FAM110B: variants seen among roughly 807,000 people sequenced by gnomAD.
FAM110B encodes the protein family with sequence similarity 110 member B.
A neutral mutation model predicts 20.4 loss-of-function variants in FAM110B; 6 were observed. The observed-to-expected ratio is 0.29, with a 90% CI of 0.16 to 0.58. The LOEUF (loss-of-function observed/expected upper bound fraction) is 0.58. Among genes scored for constraint, FAM110B ranks in the 20% least tolerant of loss-of-function variants. The pLI is 0.90. For synonymous variants in FAM110B, 226 were observed against 214.1 expected, an observed-to-expected ratio of 1.06 and a Z score of -0.49; for missense variants, 434 against 498.2, an observed-to-expected ratio of 0.87 and a Z score of 1.23.
chr8:58,005,678 T>C (rs1409894303), intron 1 of FAM110B, among the ~76,000 whole-genome samples: 1 of 152,226 alleles, frequency 6.6e-6, no homozygotes, highest in African/African-American at 2.4e-5. Context: ...AAGGTGCACA[T>C]GGAGATGACT....
At chr8:58,016,906 G>A (rs1484976435) in intron 1 of FAM110B, among the ~76,000 whole-genome samples, 1 of 152,214 alleles carries the variant, frequency 6.6e-6, no homozygotes, top group Admixed American at 6.5e-5. Context: ...TGTTAGCCAG[G>A]TGAAGGAGTA....
chr8:58,006,923 A>ATATATATATATATATT, intron 1 of FAM110B, among the ~76,000 whole-genome samples: 2 of 126,518 alleles, frequency 1.6e-5, no homozygotes, highest in South Asian at 2.6e-4. Flanking sequence ...ATATATATAT[A>ATATATATATATATATT]TTTTTCCAAA....
At chr8:58,144,832 G>A (rs1324215404) in intron 3 of FAM110B, among the ~76,000 whole-genome samples, 1 of 152,140 alleles carries the variant, frequency 6.6e-6, no homozygotes, top group African/African-American at 2.4e-5. Context: ...GGGCTGCAGG[G>A]TAAGAGTTAC....
At chr8:58,086,492 C>G (rs1008790625) in intron 3 of FAM110B, among the ~76,000 whole-genome samples, 3 of 152,134 alleles carry the variant, frequency 2.0e-5, no homozygotes, top group Non-Finnish European at 4.4e-5. Flanking sequence ...CCCTTTCATT[C>G]AGTCAGTATC....
chr8:58,074,321 G>C (rs1012018971), intron 2 of FAM110B, among the ~76,000 whole-genome samples: 4 of 151,942 alleles, frequency 2.6e-5, no homozygotes, highest in African/African-American at 9.7e-5. Context: ...CTTTCCATCG[G>C]TGGGCCCGTC....
intron 3 of FAM110B, among the ~76,000 whole-genome samples, chr8:58,121,098 G>A (rs955464310): frequency 1.3e-5 from 2 of 152,220 alleles, no homozygotes; most frequent in African/African-American, 4.8e-5. Flanking sequence ...ATTTTAGTCA[G>A]TGGCAAGTTC....
At chr8:58,053,709 T>A (rs561351690) in intron 2 of FAM110B, among the ~76,000 whole-genome samples, 1 of 152,244 alleles carries the variant, frequency 6.6e-6, no homozygotes, top group Non-Finnish European at 1.5e-5. Context: ...TTATTTTATC[T>A]CAATGATTTT....
intron 3 of FAM110B, among the ~76,000 whole-genome samples, chr8:58,095,382 A>G (rs1563368151): frequency 6.6e-6 from 1 of 152,192 alleles, no homozygotes; most frequent in Admixed American, 6.5e-5. Context: ...ATTTAGTGCT[A>G]TAAATTTCCC....
intron 3 of FAM110B, among the ~76,000 whole-genome samples, chr8:58,141,815 C>CG (rs1008684988): frequency 6.6e-6 from 1 of 152,170 alleles, no homozygotes; most frequent in African/African-American, 2.4e-5. Context: ...CAGCCCGTAG[C>CG]GGGGGGCTCC....
chr8:58,006,918 T>TATATATATATATATATATATATAC (rs1804418410), intron 1 of FAM110B, among the ~76,000 whole-genome samples: 2 of 111,544 alleles, frequency 1.8e-5, no homozygotes, highest in Non-Finnish European at 3.7e-5. Flanking sequence ...TATATATATA[T>TATATATATATATATATATATATAC]ATATATTTTT....
At chr8:58,138,349 C>T (rs1260937639) in intron 3 of FAM110B, among the ~76,000 whole-genome samples, 9 of 152,206 alleles carry the variant, frequency 5.9e-5, no homozygotes, top group African/African-American at 1.2e-4. Flanking sequence ...CACCTTTCCC[C>T]GGCACATGTG....
intron 2 of FAM110B, among the ~76,000 whole-genome samples, chr8:58,058,382 A>T (rs1185460148): frequency 1.3e-5 from 2 of 152,188 alleles, no homozygotes; most frequent in Non-Finnish European, 2.9e-5. Context: ...TAAAGTATAT[A>T]TTAATTTCCT....
At chr8:58,049,545 G>A (rs1288757743) in intron 2 of FAM110B, among the ~76,000 whole-genome samples, 1 of 152,060 alleles carries the variant, frequency 6.6e-6, no homozygotes, top group Non-Finnish European at 1.5e-5. Context: ...ATGGATTGAC[G>A]GAGGATAGAC....
chr8:58,020,775 A>G (rs1158649652), intron 1 of FAM110B, among the ~76,000 whole-genome samples: 1 of 152,150 alleles, frequency 6.6e-6, no homozygotes, highest in Non-Finnish European at 1.5e-5. Context: ...TTAGGAAAGT[A>G]ATTTGTTTTT....
chr8:58,095,633 T>C (rs1161889831), intron 3 of FAM110B, among the ~76,000 whole-genome samples: 2 of 152,184 alleles, frequency 1.3e-5, no homozygotes, highest in Non-Finnish European at 1.5e-5. Flanking sequence ...TTCTTTTGCA[T>C]TTGCTGAGGA....
chr8:58,132,318 A>G (rs549966748), intron 3 of FAM110B, among the ~76,000 whole-genome samples: 1 of 152,244 alleles, frequency 6.6e-6, no homozygotes, highest in South Asian at 2.1e-4. Flanking sequence ...CCACCGTAGC[A>G]GGAAGGAGTT....
At chr8:58,105,607 C>T (rs1445594969) in intron 3 of FAM110B, among the ~76,000 whole-genome samples, 5 of 119,822 alleles carry the variant, frequency 4.2e-5, no homozygotes, top group Admixed American at 1.2e-4. Context: ...CTGGCTCTGT[C>T]GCCCAGGCTG....
intron 3 of FAM110B, among the ~76,000 whole-genome samples, chr8:58,109,049 G>A (rs924792758): frequency 1.1e-4 from 16 of 152,166 alleles, no homozygotes; most frequent in African/African-American, 3.6e-4. Flanking sequence ...GTGGAATTTG[G>A]ATTGAAACAC....
At chr8:58,119,516 A>T (rs1807302142) in intron 3 of FAM110B, among the ~76,000 whole-genome samples, 1 of 152,198 alleles carries the variant, frequency 6.6e-6, no homozygotes, top group Non-Finnish European at 1.5e-5. Flanking sequence ...AGGTTTCAAC[A>T]TGGGAATTTT....
Sources: allele counts gnomAD v4.1 joint callset (sites outside exome capture counted in the v4.1 genomes callset), GRCh38; gene constraint gnomAD v4.1.1; transcripts MANE v1.5; gene names NCBI Gene and HGNC (gene_info 2026-07-23, HGNC 2026-07-21).